PCF11: variants seen among roughly 807,000 people sequenced by gnomAD.
PCF11 encodes the protein pre-mRNA cleavage complex 2 protein Pcf11.
A neutral mutation model predicts 166.1 loss-of-function variants in PCF11; 19 were observed. The observed-to-expected ratio is 0.11, with a 90% confidence interval of 0.08 to 0.17. The LOEUF (loss-of-function observed/expected upper bound fraction) is 0.17. Among genes scored for constraint, PCF11 ranks in the 10% least tolerant of loss-of-function variants. The probability of loss-of-function intolerance (pLI) is 1.00; values close to 1 mark genes in which losing one functional copy is unlikely to be tolerated. For synonymous variants in PCF11, 663 were observed against 644.1 expected (o/e 1.03, Z -0.44); for missense variants, 1,565 against 1,855.5 (o/e 0.84, Z 2.88).
intron 7 of PCF11, 129 bp downstream of exon 7, chr11:83,168,027 G>A (rs1860534551): frequency 2.6e-6 from 2 of 756,334 alleles, no homozygotes; most frequent in Non-Finnish European, 3.7e-6. Context: ...ATTTTGTTAT[G>A]TTTTTTCCCT....
intron 11 of PCF11, 141 bp downstream of exon 11, chr11:83,177,960 T>TA (rs59221738): frequency 2.7e-6 from 1 of 373,310 alleles, no homozygotes; most frequent in Non-Finnish European, 4.9e-6. Flanking sequence ...TTTTTTTTTT[T>TA]AATGTGGTAA....
At chr11:83,159,581 G>A (rs1348048741) in intron 1 of PCF11, among the ~76,000 whole-genome samples, 1 of 152,158 alleles carries the variant, frequency 6.6e-6, no homozygotes, top group East Asian at 1.9e-4. Context: ...GCTCTTTGCT[G>A]GTAAAAGACA....
At chr11:83,175,139 T>C (rs1187579206) in intron 9 of PCF11, among the ~76,000 whole-genome samples, 1 of 152,152 alleles carries the variant, frequency 6.6e-6, no homozygotes, top group Non-Finnish European at 1.5e-5. Flanking sequence ...AAAATATTGT[T>C]TTCTTTTTTT....
At chr11:83,185,787 TGAA>T (rs1275805833) in exon 16 of PCF11, 1 of 152,564 alleles carries the variant, frequency 6.6e-6, no homozygotes, top group African/African-American at 2.4e-5. Context: ...AATAGAATGA[TGAA>T]GAAACTTTGT....
chr11:83,173,577 C>T (rs1329652721), intron 9 of PCF11, among the ~76,000 whole-genome samples: 2 of 148,706 alleles, frequency 1.3e-5, no homozygotes, highest in African/African-American at 2.5e-5. Context: ...TACTTTGTAA[C>T]TTGTAACTTG....
chr11:83,171,185 T>C (rs1860676534), intron 8 of PCF11: 1 of 395,938 alleles, frequency 2.5e-6, no homozygotes, highest in African/African-American at 2.1e-5. Flanking sequence ...ATGACTATTC[T>C]GTTTTTTAAC....
At chr11:83,176,853 AAAG>A in intron 9 of PCF11, among the ~76,000 whole-genome samples, 1 of 152,194 alleles carries the variant, frequency 6.6e-6, no homozygotes, top group East Asian at 1.9e-4. Context: ...AACAAAAAAA[AAAG>A]AAGGAAAAAA....
chr11:83,179,247 C>A (rs1033519326), intron 11 of PCF11, among the ~76,000 whole-genome samples: 1 of 151,492 alleles, frequency 6.6e-6, no homozygotes, highest in Non-Finnish European at 1.5e-5. Flanking sequence ...CTGCCATTTA[C>A]CTCTTTTTCC....
chr11:83,179,364 C>T (rs781147946), intron 11 of PCF11, among the ~76,000 whole-genome samples: 7 of 151,818 alleles, frequency 4.6e-5, no homozygotes, highest in Non-Finnish European at 7.4e-5. Context: ...ATTCTCCTGC[C>T]GCAGCCTCCT....
At chr11:83,174,200 G>A (rs1163610215) in intron 9 of PCF11, among the ~76,000 whole-genome samples, 2 of 152,130 alleles carry the variant, frequency 1.3e-5, no homozygotes, top group East Asian at 1.9e-4. Context: ...AGTTTTCAGT[G>A]TGCTATATTT....
chr11:83,157,724 A>G (rs1860046960), intron 1 of PCF11, 93 bp downstream of exon 1: 3 of 1,180,398 alleles, frequency 2.5e-6, no homozygotes, highest in Admixed American at 1.8e-5. Flanking sequence ...CCCAAGGGGG[A>G]CAGTGTTCCT....
At chr11:83,177,378 T>C (rs1860924650) in intron 10 of PCF11, among the ~76,000 whole-genome samples, 174 bp downstream of exon 10, 1 of 152,212 alleles carries the variant, frequency 6.6e-6, no homozygotes, top group Non-Finnish European at 1.5e-5. Flanking sequence ...TTTCCTAAGA[T>C]TGAACTACCT....
chr11:83,176,358 A>G (rs1181257214), intron 9 of PCF11, among the ~76,000 whole-genome samples: 1 of 152,236 alleles, frequency 6.6e-6, no homozygotes, highest in Non-Finnish European at 1.5e-5. Flanking sequence ...AGGATTATAA[A>G]TCATGCTTTT....
At chr11:83,168,320 C>G in intron 7 of PCF11, 108 bp from the exon 8 acceptor site, 1 of 1,074,746 alleles carries the variant, frequency 9.3e-7, no homozygotes, top group African/African-American at 1.6e-5. Context: ...TCGGTCTCTC[C>G]TGCCCCTCTA....
chr11:83,159,749 G>A (rs954384823), intron 1 of PCF11, among the ~76,000 whole-genome samples: 11 of 152,146 alleles, frequency 7.2e-5, no homozygotes, highest in African/African-American at 2.7e-4. Context: ...GCCTGGTTTT[G>A]TGTTTTGGAG....
intron 11 of PCF11, among the ~76,000 whole-genome samples, chr11:83,178,993 T>C (rs548168665): frequency 4.6e-5 from 7 of 152,276 alleles, no homozygotes; most frequent in African/African-American, 9.6e-5. Flanking sequence ...TAAAGATTTT[T>C]CTAGTGAATA....
At chr11:83,181,765 C>T (rs1010693358) in intron 12 of PCF11, 89 bp from the exon 13 acceptor site, 3 of 800,830 alleles carry the variant, frequency 3.7e-6, no homozygotes, top group Non-Finnish European at 1.9e-6. Flanking sequence ...AATAGTATAC[C>T]CCTACCTTTA....
At chr11:83,184,597 C>A in intron 15 of PCF11, 82 bp from the exon 16 acceptor site, 1 of 915,438 alleles carries the variant, frequency 1.1e-6, no homozygotes, top group Non-Finnish European at 1.7e-6. Flanking sequence ...CTTGTTCATA[C>A]AAGGGTCTTA....
At chr11:83,158,630 C>G (rs1590917161) in intron 1 of PCF11, 1 of 152,154 alleles carries the variant, frequency 6.6e-6, no homozygotes, top group East Asian at 1.9e-4. Context: ...CGTCCCAGTG[C>G]TACATTTTAT....
Sources: allele counts gnomAD v4.1 joint callset (sites outside exome capture counted in the v4.1 genomes callset), GRCh38; gene constraint gnomAD v4.1.1; transcripts MANE v1.5; gene names NCBI Gene and HGNC (gene_info 2026-07-23, HGNC 2026-07-21).